TRRAP: variants seen among roughly 807,000 people sequenced by gnomAD.
The protein encoded by TRRAP is transformation/transcription domain associated protein.
In TRRAP, 41 loss-of-function variants were observed where a neutral mutation model predicts 438.8. That is an observed-to-expected ratio of 0.09 (90% CI 0.07 to 0.12). The LOEUF (loss-of-function observed/expected upper bound fraction) is 0.12, where lower values mean the gene tolerates loss of function less well. Ranked by LOEUF, TRRAP falls within the 10% of genes least tolerant of loss-of-function variation. The probability of loss-of-function intolerance (pLI) is 1.00; values close to 1 mark genes in which losing one functional copy is unlikely to be tolerated. For missense variants in TRRAP, 3,122 were observed against 5,055.1 expected, an observed-to-expected ratio of 0.62 and a Z score of 11.60; for synonymous variants, 1,994 against 1,962.9, an observed-to-expected ratio of 1.02 and a Z score of -0.42.
At chr7:98,972,019 C>T in intron 53 of TRRAP, 74 bp downstream of exon 53, 1 of 1,513,432 alleles carries the variant, frequency 6.6e-7, no homozygotes, top group East Asian at 2.3e-5. Context: ...AGGATCATTC[C>T]ACAGCAGTGT....
At chr7:98,997,393 A>C (rs1793715507) in intron 67 of TRRAP, among the ~76,000 whole-genome samples, 1 of 151,278 alleles carries the variant, frequency 6.6e-6, no homozygotes, top group Admixed American at 6.6e-5. Context: ...TCACCTAACT[A>C]TAAGGAAAGA....
intron 67 of TRRAP, among the ~76,000 whole-genome samples, chr7:98,996,850 T>C (rs1362034557): frequency 6.6e-6 from 1 of 152,210 alleles, no homozygotes; most frequent in African/African-American, 2.4e-5. Flanking sequence ...ACAGAATAAA[T>C]AGCAGCAACT....
At chr7:98,933,676 A>G (rs999670391) in intron 27 of TRRAP, among the ~76,000 whole-genome samples, 2 of 152,190 alleles carry the variant, frequency 1.3e-5, no homozygotes, top group Admixed American at 6.5e-5. Context: ...TAGGGCCTCA[A>G]GGTTGTATTT....
intron 56 of TRRAP, among the ~76,000 whole-genome samples, chr7:98,977,729 G>T (rs184947811): frequency 5.3e-5 from 8 of 152,312 alleles, no homozygotes; most frequent in Admixed American, 3.9e-4. Context: ...GCAATTCCTA[G>T]CACTGTGTAG....
rs776646871 is a variant in TRRAP at position 98,981,760 on chromosome 7, C to T, written c.8635-9C>T. 1.9e-6 allele frequency: 3 copies of T among 1,595,056 alleles called. No individual in the cohort carries two copies. The highest frequency in any genetic ancestry group is 2.7e-5 in the African/African-American group (2 of 74,070). On this transcript the variant is annotated splice_polypyrimidine_tract_variant and intron_variant, in intron 58 of 72. Coordinates refer to ENST00000456197, the MANE Select transcript of TRRAP (RefSeq NM_001375524.1). ...CCTCACGTCCTGTGTCACGTTCTTT[C>T]ACTGCCAGGTGGAAGTGAGCTGTCC...
At chr7:98,929,010 T>C (rs1790194826) in intron 23 of TRRAP, among the ~76,000 whole-genome samples, 1 of 150,754 alleles carries the variant, frequency 6.6e-6, no homozygotes, top group African/African-American at 2.4e-5. Flanking sequence ...CGATCTCAGC[T>C]CACTGCAACC....
chr7:98,913,736 C>G (rs1268764838), intron 18 of TRRAP, among the ~76,000 whole-genome samples: 2 of 152,156 alleles, frequency 1.3e-5, no homozygotes, highest in African/African-American at 4.8e-5. Context: ...GAGAAGATGT[C>G]CCATCATACA....
intron 23 of TRRAP, among the ~76,000 whole-genome samples, 182 bp downstream of exon 23, chr7:98,927,548 A>G (rs1469263349): frequency 1.3e-5 from 2 of 152,178 alleles, no homozygotes; most frequent in Non-Finnish European, 2.9e-5. Flanking sequence ...GGTGGGCACT[A>G]TATCAGCTTG....
intron 53 of TRRAP, among the ~76,000 whole-genome samples, chr7:98,975,054 G>A (rs1321285317): frequency 6.6e-6 from 1 of 152,322 alleles, no homozygotes; most frequent in South Asian, 2.1e-4. Flanking sequence ...CTTGGTCTCC[G>A]CTAAACTGAC....
intron 33 of TRRAP, among the ~76,000 whole-genome samples, chr7:98,946,525 G>A (rs1428994331): frequency 7.2e-6 from 1 of 138,272 alleles, no homozygotes; most frequent in South Asian, 2.4e-4. Flanking sequence ...ACACACCAGT[G>A]CACTCACAAC....
chr7:98,933,008 A>ATT (rs10634198), intron 26 of TRRAP, among the ~76,000 whole-genome samples: 6,178 of 145,946 alleles, frequency 0.042, 340 homozygotes, highest in African/African-American at 0.13. Flanking sequence ...TTTGTTTTGG[A>ATT]TTTTTTTTTT....
chr7:98,970,232 A>T lies in TRRAP; in HGVS notation c.7633A>T (p.Met2545Leu). 6.2e-7 allele frequency: 1 copy of T among 1,613,726 alleles called. No homozygotes were observed. The highest frequency in any genetic ancestry group is 1.1e-5 in the South Asian group (1 of 91,082). Residue 2545 changes from methionine to leucine, a missense_variant, in exon 52 of 73, where the codon ATG becomes TTG. By Grantham distance (15) the Met-to-Leu change is conservative (BLOSUM62 2). Transcript: ENST00000456197. ...ADSHDRAAFAMVTHVKQEPRE... is the reference protein window; with the variant it reads ...ADSHDRAAFALVTHVKQEPRE... The stretch of plus-strand genomic sequence containing the variant: ...TAGCCACGACCGTGCCGCCTTCGCC[A>T]TGGTCACACATGTCAAGCAGGAGCC...
intron 7 of TRRAP, among the ~76,000 whole-genome samples, chr7:98,897,241 G>A (rs927355683): frequency 3.9e-5 from 6 of 151,936 alleles, no homozygotes; most frequent in Non-Finnish European, 7.4e-5. Flanking sequence ...TCTCAAGAAA[G>A]AAGAAAAAAT....
chr7:98,921,167 G>A (rs1353976545), intron 20 of TRRAP, among the ~76,000 whole-genome samples: 1 of 152,182 alleles, frequency 6.6e-6, no homozygotes, highest in African/African-American at 2.4e-5. Flanking sequence ...TTGTTTTGGA[G>A]CTCTGCAGCA....
intron 3 of TRRAP, 119 bp from the exon 4 acceptor site, chr7:98,890,216 G>A: frequency 2.1e-6 from 1 of 474,010 alleles, no homozygotes; most frequent in Non-Finnish European, 3.5e-6. Context: ...AATACAAGTA[G>A]CACAAATTTG....
At chr7:98,897,265 C>G (rs1796258563) in intron 7 of TRRAP, among the ~76,000 whole-genome samples, 1 of 152,096 alleles carries the variant, frequency 6.6e-6, no homozygotes, top group Non-Finnish European at 1.5e-5. Context: ...CTGTGTTTTG[C>G]TTGTTCCCTC....
intron 67 of TRRAP, chr7:98,999,438 G>T: frequency 2.1e-6 from 2 of 933,200 alleles, no homozygotes; most frequent in African/African-American, 1.6e-5. Context: ...ATCTAGCTCT[G>T]ATGGGAGGGG....
intron 2 of TRRAP, 109 bp from the exon 3 acceptor site, chr7:98,881,866 A>G (rs1400003973): frequency 1.6e-6 from 2 of 1,257,338 alleles, no homozygotes; most frequent in East Asian, 2.4e-5. Flanking sequence ...ATGACAGTCA[A>G]ACTGATAAGA....
Position 98,910,348 on chromosome 7 carries a change from G to A in TRRAP, c.1643G>A (p.Ser548Asn). 6.2e-7 allele frequency: 1 copy of A among 1,610,882 alleles called. No homozygotes were observed. Among genetic ancestry groups the A allele is most frequent in the African/African-American group, 1.3e-5 (1 of 74,932 alleles). ...ACATTCCAAGTCACAGACTGTCGAAGTTTGGTCAAAACCTTGGTGTGTGGT... is the reference window on the plus strand; with the variant it reads ...ACATTCCAAGTCACAGACTGTCGAAATTTGGTCAAAACCTTGGTGTGTGGT... ...KQTFQVTDCR[S>N]LVKTLVCGVK... The change falls in exon 15 of 73, where the codon AGT becomes AAT. Residue 548 changes from serine (S) to asparagine (N), a missense_variant. Around this residue, in one of 24 missense-constraint regions of TRRAP, gnomAD observed 115 missense variants for 124.6 expected, o/e 0.92. Transcript: ENST00000456197.
Sources: gnomAD v4.1 joint callset for allele counts (sites outside exome capture counted in the v4.1 genomes callset) on GRCh38, gnomAD v4.1.1 for gene constraint, gnomAD v4.1.1 regional missense constraint, MANE v1.5 for transcripts, NCBI Gene and HGNC (gene_info 2026-07-23, HGNC 2026-07-21) for gene names.